Variants in AKAP6 observed in about 807,000 individuals in gnomAD.
The protein encoded by AKAP6 is A-kinase anchor protein 6.
Under a neutral mutation model 188.5 loss-of-function variants are expected in AKAP6, and 58 were observed. The ratio of observed to expected loss-of-function variants is 0.31; its 90% CI spans 0.25 to 0.38. The LOEUF (loss-of-function observed/expected upper bound fraction) is 0.38, where lower values mean the gene tolerates loss of function less well. AKAP6 is among the 10% of genes least tolerant of loss of function. The probability of loss-of-function intolerance (pLI) is 1.00; values close to 1 mark genes in which losing one functional copy is unlikely to be tolerated. For synonymous variants in AKAP6, 989 were observed against 998.6 expected, an observed-to-expected ratio of 0.99 and a Z score of 0.18; for missense variants, 2,710 against 2,740.0, an observed-to-expected ratio of 0.99 and a Z score of 0.24.
chr14:32,469,598 G>C (rs1878655474), intron 2 of AKAP6, among the ~76,000 whole-genome samples: 1 of 151,698 alleles, frequency 6.6e-6, no homozygotes, highest in Non-Finnish European at 1.5e-5. Flanking sequence ...TTGTATTGTA[G>C]CACCACCTAC....
chr14:32,516,585 G>A lies in AKAP6; in HGVS notation c.325-18969G>A, dbSNP rs114300084. Among the ~76,000 whole-genome samples, 1,471 of 152,174 alleles carry A rather than the reference G, an allele frequency of 9.7e-3. 28 individuals are homozygous for A. Among genetic ancestry groups the A allele is most frequent in the African/African-American group, 0.032 (1,331 of 41,528 alleles). On this transcript the variant is annotated intron_variant, in intron 2 of 13. Coordinates refer to ENST00000280979, the MANE Select transcript of AKAP6 (RefSeq NM_004274.5). Reference sequence around the variant, plus strand: ...ATAGTATTGCTATTCTGAAACTATCGTATATGTAATGTGAAATAAAACGAA... The same window carrying A: ...ATAGTATTGCTATTCTGAAACTATCATATATGTAATGTGAAATAAAACGAA...
intron 11 of AKAP6, among the ~76,000 whole-genome samples, chr14:32,750,949 A>G (rs2032110170): frequency 6.6e-6 from 1 of 151,342 alleles, no homozygotes; most frequent in South Asian, 2.1e-4. Flanking sequence ...GTTAGCCAGG[A>G]TGGTCTCCAT....
At chr14:32,538,986 G>A (rs962288640) in intron 3 of AKAP6, among the ~76,000 whole-genome samples, 2 of 151,952 alleles carry the variant, frequency 1.3e-5, no homozygotes, top group Admixed American at 1.3e-4. Flanking sequence ...TTTCTTCCCT[G>A]CCTTTCTTCC....
chr14:32,377,680 C>T (rs1393667274), intron 1 of AKAP6, among the ~76,000 whole-genome samples: 1 of 152,156 alleles, frequency 6.6e-6, no homozygotes, highest in African/African-American at 2.4e-5. Context: ...TTTCATTTGA[C>T]TATTTGTTAG....
chr14:32,487,173 G>C (rs1437089701), intron 2 of AKAP6, among the ~76,000 whole-genome samples: 1 of 152,218 alleles, frequency 6.6e-6, no homozygotes, highest in Non-Finnish European at 1.5e-5. Flanking sequence ...AAGCTGACTT[G>C]ATCATGGTGG....
chr14:32,793,521 T>C (rs775906458), intron 12 of AKAP6, among the ~76,000 whole-genome samples: 1 of 151,940 alleles, frequency 6.6e-6, no homozygotes, highest in Non-Finnish European at 1.5e-5. Flanking sequence ...CACAAACTCA[T>C]ACAGAAATTT....
intron 7 of AKAP6, among the ~76,000 whole-genome samples, chr14:32,643,377 G>A (rs943265068): frequency 5.3e-5 from 8 of 151,356 alleles, no homozygotes; most frequent in South Asian, 2.1e-4. Flanking sequence ...GCATGATCTC[G>A]GCTCACTGCA....
At chr14:32,382,889 C>T (rs747833191) in intron 1 of AKAP6, among the ~76,000 whole-genome samples, 10 of 152,038 alleles carry the variant, frequency 6.6e-5, no homozygotes, top group Admixed American at 5.2e-4. Flanking sequence ...AGAGTGGGCC[C>T]GCAAAGAGTG....
intron 2 of AKAP6, among the ~76,000 whole-genome samples, chr14:32,494,674 T>C (rs1880216955): frequency 1.3e-5 from 2 of 152,190 alleles, no homozygotes; most frequent in South Asian, 2.1e-4. Flanking sequence ...GACTGGATAC[T>C]GCAGTCGGAA....
chr14:32,740,906 A>G (rs2031641238), intron 11 of AKAP6, among the ~76,000 whole-genome samples: 1 of 151,738 alleles, frequency 6.6e-6, no homozygotes, highest in Non-Finnish European at 1.5e-5. Flanking sequence ...GAAGAATGTC[A>G]TTGGTATTTT....
At chr14:32,419,713 A>T (rs1403743891) in intron 1 of AKAP6, among the ~76,000 whole-genome samples, 1 of 152,114 alleles carries the variant, frequency 6.6e-6, no homozygotes, top group African/African-American at 2.4e-5. Flanking sequence ...TCTTGAAGGG[A>T]TTGAATGAAG....
intron 12 of AKAP6, among the ~76,000 whole-genome samples, chr14:32,813,023 C>T (rs1286617200): frequency 6.6e-6 from 1 of 152,026 alleles, no homozygotes; most frequent in Non-Finnish European, 1.5e-5. Flanking sequence ...GCATCAGATC[C>T]CATACGGGAA....
rs77912716 is a variant in AKAP6 at position 32,382,951 on chromosome 14, G to A, written c.-34-50509G>A. ...GTATCTCCACCAGCCTTACCCTCTG[G>A]ACACTAGCTTCAAAATTCCTATATC... On this transcript the variant is annotated intron_variant, in intron 1 of 13. Transcript: ENST00000280979. Among the ~76,000 whole-genome samples the A allele has an allele frequency of 1.4e-3, 215 of 152,154 alleles. 3 individuals carry two copies. In the East Asian group the frequency reaches 0.034, roughly 24 times the overall value.
intron 7 of AKAP6, among the ~76,000 whole-genome samples, chr14:32,604,275 C>G (rs568836723): frequency 1.0e-3 from 157 of 152,146 alleles, no homozygotes; most frequent in African/African-American, 3.5e-3. Context: ...TCCGCAGATG[C>G]AGAAGTTGAA....
At chr14:32,672,082 A>G (rs762934343) in intron 7 of AKAP6, among the ~76,000 whole-genome samples, 20 of 152,176 alleles carry the variant, frequency 1.3e-4, no homozygotes, top group Non-Finnish European at 2.5e-4. Flanking sequence ...TGACTGAGTA[A>G]TGATCCAGGC....
At chr14:32,408,225 A>C (rs1222936305) in intron 1 of AKAP6, among the ~76,000 whole-genome samples, 1 of 152,170 alleles carries the variant, frequency 6.6e-6, no homozygotes, top group Non-Finnish European at 1.5e-5. Context: ...AGGATTCTTC[A>C]ACTGGAAATG....
chr14:32,407,343 A>G (rs1028029577), intron 1 of AKAP6, among the ~76,000 whole-genome samples: 2 of 152,210 alleles, frequency 1.3e-5, no homozygotes, highest in Non-Finnish European at 2.9e-5. Flanking sequence ...AGAGAATTAG[A>G]CAAACCATCC....
intron 2 of AKAP6, chr14:32,434,072 G>A (rs1376377645): frequency 2.3e-6 from 1 of 430,892 alleles, no homozygotes; most frequent in Non-Finnish European, 4.2e-6. Context: ...GGGTATTTTT[G>A]TGCAGTGTTA....
At chr14:32,349,446 G>A (rs1225942171) in intron 1 of AKAP6, among the ~76,000 whole-genome samples, 1 of 152,220 alleles carries the variant, frequency 6.6e-6, no homozygotes, top group Non-Finnish European at 1.5e-5. Context: ...AGAGGATGGA[G>A]AGCGTCTATT....
Sources: gnomAD v4.1 joint callset for allele counts (sites outside exome capture counted in the v4.1 genomes callset) on GRCh38, gnomAD v4.1.1 for gene constraint, MANE v1.5 for transcripts, NCBI Gene and HGNC (gene_info 2026-07-23, HGNC 2026-07-21) for gene names.